Variants in KCNN3 observed in about 807,000 individuals in gnomAD.
KCNN3 encodes the protein small conductance calcium-activated potassium channel protein 3.
Under a neutral mutation model 62.9 loss-of-function variants are expected in KCNN3, and 16 were observed. The ratio of observed to expected loss-of-function variants is 0.25; its 90% CI spans 0.17 to 0.39. The LOEUF is 0.39. Among genes scored for constraint, KCNN3 ranks in the 10% least tolerant of loss-of-function variants. KCNN3 has a pLI of 1.00. For synonymous variants in KCNN3, 370 were observed against 389.2 expected (o/e 0.95, Z 0.58); for missense variants, 599 against 949.4 (o/e 0.63, Z 4.85).
At position 154,772,917 on chromosome 1, in the gene KCNN3, G is replaced by T. The variant is rs1200374555; in HGVS notation, c.1030-524C>A. Among the ~76,000 whole-genome samples the T allele has an allele frequency of 3.3e-5, 5 of 152,088 alleles. No homozygotes were observed. Among genetic ancestry groups the T allele is most frequent in the African/African-American group, 1.2e-4 (5 of 41,410 alleles). On this transcript the variant is annotated intron_variant, in intron 2 of 7. Transcript: ENST00000271915. This position sits in a 1 kb window ranked among gnomAD's most constrained non-coding sequence, Gnocchi z 5.6. ...TCCTGAGAAGGAAGAGGGGCCCGAAGGTTGAGTTGATCACCAATGGCCAAT... is the reference window on the plus strand; with the variant it reads ...TCCTGAGAAGGAAGAGGGGCCCGAATGTTGAGTTGATCACCAATGGCCAAT...
chr1:154,808,613 A>G (rs1650276290), intron 2 of KCNN3, among the ~76,000 whole-genome samples: 1 of 152,110 alleles, frequency 6.6e-6, no homozygotes, highest in Non-Finnish European at 1.5e-5. Flanking sequence ...ACAGCCCTTC[A>G]ATAGCTCTGT....
chr1:154,760,504 G>C (rs547141640), intron 3 of KCNN3, among the ~76,000 whole-genome samples: 5 of 152,180 alleles, frequency 3.3e-5, no homozygotes, highest in Admixed American at 2.6e-4. Flanking sequence ...AGCCGCTCCG[G>C]CTGTCGCCAC....
intron 1 of KCNN3, among the ~76,000 whole-genome samples, chr1:154,827,052 T>C (rs548340012): frequency 2.0e-5 from 3 of 152,368 alleles, no homozygotes; most frequent in Non-Finnish European, 2.9e-5. Context: ...AAGGTGATAG[T>C]ATCTGAAGTT....
intron 3 of KCNN3, among the ~76,000 whole-genome samples, chr1:154,753,573 T>G (rs943199103): frequency 2.2e-4 from 33 of 152,106 alleles, no homozygotes; most frequent in Non-Finnish European, 4.1e-4. Context: ...GCGATCGGGG[T>G]CCCAAGGGCC....
chr1:154,841,107 G>A (rs1316493545), intron 1 of KCNN3, among the ~76,000 whole-genome samples: 2 of 152,196 alleles, frequency 1.3e-5, no homozygotes, highest in Non-Finnish European at 2.9e-5. Context: ...GATGGTGAGG[G>A]CGCAAGGGAG....
chr1:154,808,359 G>A (rs1408578976), intron 2 of KCNN3, among the ~76,000 whole-genome samples: 2 of 151,968 alleles, frequency 1.3e-5, no homozygotes, highest in African/African-American at 4.8e-5. Context: ...TGCTGGAGCT[G>A]GTCCCTTCCC....
intron 2 of KCNN3, among the ~76,000 whole-genome samples, chr1:154,820,933 C>G (rs1199164077): frequency 6.6e-6 from 1 of 152,216 alleles, no homozygotes; most frequent in African/African-American, 2.4e-5. Context: ...GAGGAGGAGG[C>G]ACTCCCACCT....
chr1:154,811,227 G>A (rs1650393457), intron 2 of KCNN3, among the ~76,000 whole-genome samples: 1 of 152,160 alleles, frequency 6.6e-6, no homozygotes, highest in South Asian at 2.1e-4. Context: ...TGACAAAGTG[G>A]GAGATGCTTG....
intron 1 of KCNN3, among the ~76,000 whole-genome samples, chr1:154,840,002 C>A (rs1474656868): frequency 2.0e-5 from 3 of 151,980 alleles, no homozygotes; most frequent in Non-Finnish European, 4.4e-5. Context: ...TTCTAAGACT[C>A]AGACTGGGAA....
rs537182170 is a variant in KCNN3, at chr1:154,704,776, AT to A, written c.*3199del. On this transcript the variant is annotated 3_prime_UTR_variant, in exon 8 of 8. Coordinates refer to ENST00000271915, the MANE Select transcript of KCNN3 (RefSeq NM_002249.6). The stretch of plus-strand genomic sequence containing the variant: ...AATTAATAGTTTTTACATATAGCCG[AT>A]TTTTTTTTTTTTTTTGAGACGGAGT... The A allele has an allele frequency of 0.049, 6,911 of 139,776 alleles. 312 individuals carry two copies. The highest frequency in any genetic ancestry group is 0.13 in the African/African-American group (4,983 of 38,074). The allele number at this position is 139,776 out of a possible 1,614,324, so 8.7% of individuals were successfully genotyped here.
intron 3 of KCNN3, among the ~76,000 whole-genome samples, chr1:154,737,513 A>C (rs1421868546): frequency 6.6e-6 from 1 of 152,214 alleles, no homozygotes. Flanking sequence ...AGTCTCTAAC[A>C]TGAAAGACAC....
chr1:154,770,498 A>T (rs138221940), intron 3 of KCNN3, among the ~76,000 whole-genome samples: 74 of 152,296 alleles, frequency 4.9e-4, no homozygotes, highest in African/African-American at 1.7e-3. Context: ...AGATTTGGCA[A>T]TATAATCGTA....
rs993350144 is a variant in KCNN3 at position 154,702,853 on chromosome 1, T to C, written c.*5123A>G. 6.6e-6 allele frequency: 1 copy of C among 151,080 alleles called. No individual in the cohort carries two copies. The highest frequency in any genetic ancestry group is 2.4e-5 in the African/African-American group (1 of 41,070). The allele number at this position is 151,080 out of a possible 1,614,324, so 9.4% of individuals were successfully genotyped here. ...CCTCCACCAGCTTGGTTGGTCACGA[T>C]GTGTCTCTTTTGCTTGTTTCAACAC... On this transcript the variant is annotated 3_prime_UTR_variant, in exon 8 of 8. Coordinates refer to ENST00000271915, the MANE Select transcript of KCNN3 (RefSeq NM_002249.6).
intron 5 of KCNN3, among the ~76,000 whole-genome samples, chr1:154,722,585 C>T (rs940229256): frequency 6.6e-6 from 1 of 151,332 alleles, no homozygotes; most frequent in South Asian, 2.1e-4. Context: ...GTAGAGACAG[C>T]GTTTCACTGT....
In KCNN3 at chr1:154,772,136, G is replaced by A. The variant is rs368437227; in HGVS notation, c.1287C>T (p.Phe429=). The A allele has an allele frequency of 3.1e-6, 5 of 1,614,122 alleles. No individual in the cohort carries two copies. Among genetic ancestry groups the A allele is most frequent in the African/African-American group, 1.3e-5 (1 of 74,950 alleles). Residue 429 remains phenylalanine, a synonymous_variant, in exon 3 of 8, where the codon TTC becomes TTT. Coordinates refer to ENST00000271915, the MANE Select transcript of KCNN3 (RefSeq NM_002249.6). The surrounding 1 kb of genome is among the most constrained non-coding windows in gnomAD (Gnocchi z 5.6). ...ARVMLLHSKL[F]TDASSRSIGA... is the part of the protein sequence containing the mutation. ...CGATGCTGCGGGACGAGGCATCGGT[G>A]AAGAGCTTGCTGTGCAGCAGCATGA...
chr1:154,819,321 C>T (rs773999524), intron 2 of KCNN3, among the ~76,000 whole-genome samples: 25 of 152,254 alleles, frequency 1.6e-4, no homozygotes, highest in South Asian at 8.3e-4. Flanking sequence ...CAAGGTACGA[C>T]CAGCTTTGGA....
At chr1:154,725,487 C>A (rs905393958) in intron 5 of KCNN3, among the ~76,000 whole-genome samples, 3 of 151,928 alleles carry the variant, frequency 2.0e-5, no homozygotes, top group African/African-American at 4.8e-5. Context: ...CTCAAACACA[C>A]CCTTTAAAAG....
At chr1:154,759,062 C>G (rs551748802) in intron 3 of KCNN3, among the ~76,000 whole-genome samples, 1 of 152,342 alleles carries the variant, frequency 6.6e-6, no homozygotes, top group Non-Finnish European at 1.5e-5. Context: ...CCCACCTTGG[C>G]CTCCCAAAGT....
chr1:154,840,921 G>A (rs551765426), intron 1 of KCNN3, among the ~76,000 whole-genome samples: 16 of 152,302 alleles, frequency 1.1e-4, no homozygotes, highest in East Asian at 3.9e-4. Context: ...TGTGTGCACC[G>A]CACCCTGCCA....
Sources: allele counts gnomAD v4.1 joint callset (sites outside exome capture counted in the v4.1 genomes callset), GRCh38; gene constraint gnomAD v4.1.1; non-coding constraint Gnocchi (gnomAD v3.1); transcripts MANE v1.5; gene names NCBI Gene and HGNC (gene_info 2026-07-23, HGNC 2026-07-21).